Variants in AUTS2 observed in about 807,000 individuals in gnomAD.
AUTS2 encodes autism susceptibility gene 2 protein.
In AUTS2, 17 loss-of-function variants were observed where a neutral mutation model predicts 112.4. The observed-to-expected ratio is 0.15, with a 90% CI of 0.10 to 0.23. The LOEUF is 0.23. AUTS2 is among the 10% of genes least tolerant of loss of function. AUTS2 has a pLI of 1.00. For synonymous variants in AUTS2, 751 were observed against 702.7 expected, an observed-to-expected ratio of 1.07 and a Z score of -1.09; for missense variants, 1,510 against 1,701.6, an observed-to-expected ratio of 0.89 and a Z score of 1.98.
intron 1 of AUTS2, among the ~76,000 whole-genome samples, chr7:69,885,073 A>G (rs1794214587): frequency 6.6e-6 from 1 of 152,246 alleles, no homozygotes; most frequent in African/African-American, 2.4e-5. Context: ...ACAGAGTCAT[A>G]GCTGTGTGAA....
intron 4 of AUTS2, among the ~76,000 whole-genome samples, chr7:70,152,324 A>G (rs948617975): frequency 6.6e-6 from 1 of 152,132 alleles, no homozygotes; most frequent in Admixed American, 6.5e-5. Flanking sequence ...ACACCAACAC[A>G]TATTATAATC....
At chr7:70,613,263 G>T (rs573011255) in intron 5 of AUTS2, among the ~76,000 whole-genome samples, 1 of 151,936 alleles carries the variant, frequency 6.6e-6, no homozygotes, top group East Asian at 1.9e-4. Context: ...GTGTGTGTGT[G>T]TGTGTATTTT....
At chr7:70,104,307 G>A (rs767973177) in intron 2 of AUTS2, among the ~76,000 whole-genome samples, 18 of 149,680 alleles carry the variant, frequency 1.2e-4, no homozygotes, top group Non-Finnish European at 1.6e-4. Context: ...TTCTTAAATT[G>A]TAAATGTGTG....
At chr7:70,762,728 T>C (rs1388427918) in intron 6 of AUTS2, 142 bp from the exon 7 acceptor site, 2 of 700,118 alleles carry the variant, frequency 2.9e-6, no homozygotes, top group Admixed American at 2.1e-5. Context: ...CCGCAGGTGG[T>C]GGAGACAAGG....
rs75059267 is a variant in AUTS2 at position 70,781,868 on chromosome 7, A to T, written c.2146+112A>T. On this transcript the variant is annotated intron_variant, in intron 15 of 18. Transcript: ENST00000342771. ...GCTCAGTCACCACCTACAAAAATAC[A>T]GTTAATGCCAGCTTGCAAGGCAACA... The T allele has an allele frequency of 2.6e-4, 358 of 1,380,122 alleles. No individual in the cohort carries two copies. The African/African-American group carries it at 4.7e-3, about 18-fold the overall frequency. 85.5% of individuals were successfully genotyped at this position (1,380,122 alleles called of 1,614,324 possible). A position where few individuals can be genotyped will look rare whatever the true frequency, so the allele number is the denominator to read the frequency against.
intron 5 of AUTS2, among the ~76,000 whole-genome samples, chr7:70,514,059 C>T (rs989124518): frequency 1.3e-5 from 2 of 152,162 alleles, no homozygotes; most frequent in East Asian, 1.9e-4. Context: ...TCTTTTACCC[C>T]TTTAAAAGCT....
intron 1 of AUTS2, among the ~76,000 whole-genome samples, chr7:69,663,642 A>G (rs933620802): frequency 2.0e-5 from 3 of 152,218 alleles, no homozygotes; most frequent in Non-Finnish European, 4.4e-5. Flanking sequence ...TTGATAAACT[A>G]TAAAGCCTTG....
intron 5 of AUTS2, among the ~76,000 whole-genome samples, chr7:70,697,883 T>A (rs114014784): frequency 6.6e-6 from 1 of 152,340 alleles, no homozygotes; most frequent in African/African-American, 2.4e-5. Flanking sequence ...AAATTGGCTT[T>A]AGTTTTACTG....
chr7:70,450,395 A>C (rs1490884143), intron 5 of AUTS2, among the ~76,000 whole-genome samples: 1 of 152,232 alleles, frequency 6.6e-6, no homozygotes, highest in African/African-American at 2.4e-5. Context: ...TTGCTGCAGC[A>C]CATGGAATAG....
At chr7:70,412,315 A>T (rs995326296) in intron 4 of AUTS2, among the ~76,000 whole-genome samples, 1 of 151,854 alleles carries the variant, frequency 6.6e-6, no homozygotes, top group African/African-American at 2.4e-5. Context: ...ATATAGTCTT[A>T]TGTTCTTATT....
intron 18 of AUTS2, among the ~76,000 whole-genome samples, chr7:70,788,314 A>C (rs924080548): frequency 1.3e-5 from 2 of 152,152 alleles, no homozygotes; most frequent in African/African-American, 4.8e-5. Flanking sequence ...GTGTGTGTAT[A>C]TCCTAGTAAT....
rs1554356395 is a variant in AUTS2, at chr7:69,730,019, T to TA, written c.309+130058dup. On this transcript the variant is annotated intron_variant, in intron 1 of 18. Coordinates refer to ENST00000342771, the MANE Select transcript of AUTS2 (RefSeq NM_015570.4). ...ATTTTTTTTTTTTTTTTTTTTTTTT[T>TA]AGAAACTAGGTCTTCCTAAGTAAGT... is the stretch of plus-strand genomic sequence containing the variant. 1.5e-3 allele frequency among the ~76,000 whole-genome samples: 192 copies of TA among 132,062 alleles called. 3 individuals are homozygous for TA. Among genetic ancestry groups the TA allele is most frequent in the East Asian group, 3.3e-3 (15 of 4,614 alleles). 86.6% of individuals were successfully genotyped at this position (132,062 alleles called of 152,430 possible).
At chr7:70,406,265 C>T (rs1362212572) in intron 4 of AUTS2, among the ~76,000 whole-genome samples, 1 of 152,146 alleles carries the variant, frequency 6.6e-6, no homozygotes, top group African/African-American at 2.4e-5. Flanking sequence ...AGAGGCTTCC[C>T]CCTGTTTCCC....
chr7:69,971,598 T>C (rs1797852723), intron 2 of AUTS2, among the ~76,000 whole-genome samples: 2 of 152,192 alleles, frequency 1.3e-5, no homozygotes, highest in African/African-American at 4.8e-5. Context: ...TTGATAGCCA[T>C]GCCTCTTTCC....
At chr7:69,724,101 A>G (rs140270520) in intron 1 of AUTS2, among the ~76,000 whole-genome samples, 34 of 152,296 alleles carry the variant, frequency 2.2e-4, no homozygotes, top group Non-Finnish European at 2.8e-4. Context: ...GGGGAAAAAA[A>G]TCACCGAACT....
intron 4 of AUTS2, among the ~76,000 whole-genome samples, chr7:70,211,654 A>AAAAAAAAG (rs1254637685): frequency 7.2e-6 from 1 of 138,492 alleles, no homozygotes; most frequent in East Asian, 2.2e-4. Context: ...GTCTCAAAGA[A>AAAAAAAAG]AAAAAAAGAA....
chr7:70,021,499 C>T (rs1375002015), intron 2 of AUTS2, among the ~76,000 whole-genome samples: 2 of 152,078 alleles, frequency 1.3e-5, no homozygotes, highest in African/African-American at 4.8e-5. Context: ...GATGGGGCAT[C>T]CTGAATTCAT....
intron 4 of AUTS2, among the ~76,000 whole-genome samples, chr7:70,396,537 C>A (rs184963251): frequency 2.0e-4 from 30 of 152,148 alleles, no homozygotes; most frequent in African/African-American, 7.2e-4. Context: ...CCACCACACC[C>A]GGCTAATGTT....
chr7:69,743,729 T>G (rs1787365090), intron 1 of AUTS2, among the ~76,000 whole-genome samples: 1 of 152,178 alleles, frequency 6.6e-6, no homozygotes, highest in African/African-American at 2.4e-5. Flanking sequence ...TGGAATTACA[T>G]TTTACACACT....
Sources: gnomAD v4.1 joint callset for allele counts (sites outside exome capture counted in the v4.1 genomes callset) on GRCh38, gnomAD v4.1.1 for gene constraint, MANE v1.5 for transcripts, NCBI Gene and HGNC (gene_info 2026-07-23, HGNC 2026-07-21) for gene names.